The following CDH12 variants were observed in gnomAD, a reference collection of about 807,000 sequenced individuals.
The protein encoded by CDH12 is cadherin-12.
A neutral mutation model predicts 74.1 loss-of-function variants in CDH12; 41 were observed. The ratio of observed to expected loss-of-function variants is 0.55; its 90% CI spans 0.43 to 0.72. The LOEUF (loss-of-function observed/expected upper bound fraction) is 0.72. CDH12 is among the 30% of genes least tolerant of loss of function. The pLI is 0.00. For synonymous variants in CDH12, 399 were observed against 355.0 expected, an observed-to-expected ratio of 1.12 and a Z score of -1.39; for missense variants, 945 against 977.2, an observed-to-expected ratio of 0.97 and a Z score of 0.44.
chr5:22,180,792 T>C (rs988884196), intron 4 of CDH12, among the ~76,000 whole-genome samples: 2 of 152,104 alleles, frequency 1.3e-5, no homozygotes, highest in African/African-American at 2.4e-5. Context: ...TGAGCCACCG[T>C]GCCCAGCCAG....
chr5:22,561,089 T>C (rs1739027554), intron 1 of CDH12, among the ~76,000 whole-genome samples: 2 of 152,152 alleles, frequency 1.3e-5, no homozygotes, highest in Admixed American at 1.3e-4. Flanking sequence ...TCCTGGGCAG[T>C]TTTAGTTGAA....
chr5:22,244,797 AAAG>A (rs1752888087), intron 3 of CDH12, among the ~76,000 whole-genome samples: 1 of 58,150 alleles, frequency 1.7e-5, no homozygotes, highest in South Asian at 3.9e-4. Flanking sequence ...AGAAAGAAAG[AAAG>A]AAAAATTCAA....
At chr5:22,618,488 T>G (rs1737798318) in intron 1 of CDH12, among the ~76,000 whole-genome samples, 1 of 152,104 alleles carries the variant, frequency 6.6e-6, no homozygotes, top group African/African-American at 2.4e-5. Flanking sequence ...TTTAGAAAGC[T>G]CTTGTTGCAC....
chr5:22,759,250 T>C (rs1315127126), intron 1 of CDH12, among the ~76,000 whole-genome samples: 1 of 152,090 alleles, frequency 6.6e-6, no homozygotes, highest in African/African-American at 2.4e-5. Context: ...CCACCACACA[T>C]GTATTCTTTC....
At position 22,117,328 on chromosome 5, in the gene CDH12, GA is replaced by G. The variant is rs530277221; in HGVS notation, c.-186-38467del. Among the ~76,000 whole-genome samples the G allele has an allele frequency of 1.8e-4, 27 of 147,366 alleles. No individual in the cohort carries two copies. The East Asian group carries it at 5.2e-3, about 28-fold the overall frequency. On this transcript the variant is annotated intron_variant, in intron 4 of 14. Transcript: ENST00000382254. ...TTTGAAGTGACTTGAATAAACATAC[GA>G]AAATCCTAAATGAAAGTTATGAGAG...
intron 4 of CDH12, among the ~76,000 whole-genome samples, chr5:22,149,735 G>A (rs868478983): frequency 1.3e-5 from 2 of 152,080 alleles, no homozygotes; most frequent in African/African-American, 4.8e-5. Flanking sequence ...GCCTCCCAAA[G>A]TGTTGGGATT....
intron 4 of CDH12, among the ~76,000 whole-genome samples, chr5:22,098,409 G>T (rs527356323): frequency 6.6e-6 from 1 of 152,238 alleles, no homozygotes; most frequent in African/African-American, 2.4e-5. Flanking sequence ...TTACACAAGA[G>T]CCAGGACCCC....
At chr5:21,973,105 G>C (rs1756924176) in intron 6 of CDH12, among the ~76,000 whole-genome samples, 1 of 150,442 alleles carries the variant, frequency 6.6e-6, no homozygotes, top group African/African-American at 2.4e-5. Flanking sequence ...TATTAAGGAG[G>C]CTCAGGTGGA....
intron 1 of CDH12, among the ~76,000 whole-genome samples, chr5:22,834,023 C>T (rs1002100202): frequency 6.6e-6 from 1 of 152,164 alleles, no homozygotes; most frequent in Non-Finnish European, 1.5e-5. Flanking sequence ...ATAGACTAGA[C>T]AGCATGACTA....
chr5:21,983,246 A>G (rs1297374010), intron 5 of CDH12, among the ~76,000 whole-genome samples: 2 of 152,070 alleles, frequency 1.3e-5, no homozygotes, highest in Non-Finnish European at 2.9e-5. Flanking sequence ...ATGTGGGCAT[A>G]TATTTCCAGA....
intron 1 of CDH12, among the ~76,000 whole-genome samples, chr5:22,703,995 T>A (rs1056700637): frequency 2.0e-5 from 3 of 152,172 alleles, no homozygotes; most frequent in African/African-American, 7.2e-5. Context: ...CTTTGATAAC[T>A]GTCCACTCAC....
At chr5:22,821,234 T>C (rs1282833939) in intron 1 of CDH12, among the ~76,000 whole-genome samples, 6 of 152,136 alleles carry the variant, frequency 3.9e-5, no homozygotes, top group Admixed American at 6.6e-5. Flanking sequence ...GGGATGTATC[T>C]CAAAATAATA....
At chr5:22,554,324 T>C (rs781161826) in intron 1 of CDH12, among the ~76,000 whole-genome samples, 1 of 152,128 alleles carries the variant, frequency 6.6e-6, no homozygotes, top group Non-Finnish European at 1.5e-5. Context: ...GATAATGATG[T>C]GTCCATGTAG....
At chr5:22,324,884 T>C (rs1041790977) in intron 3 of CDH12, among the ~76,000 whole-genome samples, 2 of 152,138 alleles carry the variant, frequency 1.3e-5, no homozygotes, top group Non-Finnish European at 2.9e-5. Context: ...TAGAGGTCAG[T>C]TTATATTAAA....
chr5:21,980,260 T>C (rs943677648), intron 5 of CDH12, among the ~76,000 whole-genome samples: 4 of 152,002 alleles, frequency 2.6e-5, no homozygotes, highest in African/African-American at 9.7e-5. Flanking sequence ...ATATAAAATA[T>C]GCATCTTTTT....
intron 3 of CDH12, among the ~76,000 whole-genome samples, chr5:22,284,788 C>T (rs529183729): frequency 1.4e-4 from 21 of 151,686 alleles, no homozygotes; most frequent in African/African-American, 4.4e-4. Context: ...CACAACTTAG[C>T]CACATTGTAT....
intron 6 of CDH12, among the ~76,000 whole-genome samples, chr5:21,899,662 T>C (rs1753290483): frequency 1.3e-5 from 2 of 150,676 alleles, no homozygotes; most frequent in Admixed American, 1.4e-4. Context: ...GCAAAGATAT[T>C]TATAAAGAAA....
intron 4 of CDH12, among the ~76,000 whole-genome samples, chr5:22,169,304 A>G (rs1450138523): frequency 1.3e-5 from 2 of 151,910 alleles, no homozygotes; most frequent in Non-Finnish European, 2.9e-5. Context: ...GCTCTCTTGC[A>G]TAGTAAAATA....
intron 3 of CDH12, among the ~76,000 whole-genome samples, chr5:22,225,735 T>C (rs1338240947): frequency 1.3e-5 from 2 of 152,066 alleles, no homozygotes; most frequent in African/African-American, 2.4e-5. Flanking sequence ...CAGATTCACC[T>C]TAAGAATCAG....
Sources: allele counts gnomAD v4.1 joint callset (sites outside exome capture counted in the v4.1 genomes callset), GRCh38; gene constraint gnomAD v4.1.1; transcripts MANE v1.5; gene names NCBI Gene and HGNC (gene_info 2026-07-23, HGNC 2026-07-21).